The following CCDC38 variants were observed in gnomAD, a reference collection of about 807,000 sequenced individuals.
CCDC38 encodes coiled-coil domain-containing protein 38.
In CCDC38, 69 loss-of-function variants were observed where a neutral mutation model predicts 72.8. The observed-to-expected ratio is 0.95, with a 90% CI of 0.78 to 1.16. The LOEUF (loss-of-function observed/expected upper bound fraction) is 1.16, where lower values mean the gene tolerates loss of function less well. Ranked by LOEUF, CCDC38 falls within the 50% of genes most tolerant of loss-of-function variation. The pLI is 0.00. For synonymous variants in CCDC38, 201 were observed against 213.2 expected (o/e 0.94, Z 0.50); for missense variants, 626 against 638.9 (o/e 0.98, Z 0.22).
intron 5 of CCDC38, among the ~76,000 whole-genome samples, chr12:95,900,203 C>A (rs1050838416): frequency 3.9e-5 from 6 of 152,240 alleles, no homozygotes; most frequent in East Asian, 1.9e-4. Flanking sequence ...AAGAGACCAC[C>A]AAGGCTGGAG....
At chr12:95,888,397 A>G (rs1037243830) in intron 10 of CCDC38, 61 bp downstream of exon 10, 1 of 1,462,882 alleles carries the variant, frequency 6.8e-7, no homozygotes, top group Non-Finnish European at 9.6e-7. Context: ...AAAGGCTTTA[A>G]AAGTTATTTG....
At chr12:95,937,720 T>C (rs1429131322) in intron 1 of CCDC38, among the ~76,000 whole-genome samples, 3 of 152,204 alleles carry the variant, frequency 2.0e-5, no homozygotes, top group African/African-American at 7.2e-5. Flanking sequence ...ACACAGACTT[T>C]GGACAAGCCT....
At chr12:95,869,596 T>G in intron 14 of CCDC38, 23 bp from the exon 15 acceptor site, 1 of 1,547,098 alleles carries the variant, frequency 6.5e-7, no homozygotes, top group Non-Finnish European at 8.9e-7. Flanking sequence ...GGGAGAAACA[T>G]TCTTGTAACT....
At chr12:95,874,073 T>C (rs1363625012) in intron 13 of CCDC38, among the ~76,000 whole-genome samples, 1 of 152,238 alleles carries the variant, frequency 6.6e-6, no homozygotes, top group Admixed American at 6.5e-5. Context: ...ACACTTACTG[T>C]GTTTCCTATT....
In CCDC38 at chr12:95,881,563, G is replaced by A. The variant is rs1209310246; in HGVS notation, c.921-9C>T. On this transcript the variant is annotated splice_polypyrimidine_tract_variant and intron_variant, in intron 10 of 15. Coordinates refer to ENST00000344280, the MANE Select transcript of CCDC38 (RefSeq NM_182496.3). ...CGAAACTTTCAGCCAGGCTGTAAAA[G>A]AAAAAAGAAAAAGAAAATGTCTGAT... 6 of 1,601,842 alleles carry A rather than the reference G, an allele frequency of 3.7e-6. No homozygotes were observed. Among genetic ancestry groups the A allele is most frequent in the Non-Finnish European group, 5.1e-6 (6 of 1,173,790 alleles).
At chr12:95,938,228 G>A (rs1182671737) in intron 1 of CCDC38, among the ~76,000 whole-genome samples, 3 of 152,090 alleles carry the variant, frequency 2.0e-5, no homozygotes, top group Admixed American at 6.5e-5. Context: ...TCATTCTCAC[G>A]GGGGAAAAGA....
At position 95,910,944 on chromosome 12, in the gene CCDC38, C is replaced by T. The variant is rs145437937; in HGVS notation, c.305-4493G>A. 3.0e-3 allele frequency among the ~76,000 whole-genome samples: 450 copies of T among 152,076 alleles called. 3 individuals are homozygous for T. Among genetic ancestry groups the T allele is most frequent in the African/African-American group, 9.5e-3 (393 of 41,474 alleles). ...AGCCCAAATAGCCAAAGCAATCCTA[C>T]GCAAAAAGAACGAAGTTGGACTCAT... On this transcript the variant is annotated intron_variant, in intron 4 of 15. Transcript: ENST00000344280.
In CCDC38 at chr12:95,918,991, A is replaced by T. The variant is rs1048527093; in HGVS notation, c.38-15T>A. On this transcript the variant is annotated splice_polypyrimidine_tract_variant and intron_variant, in intron 2 of 15. Transcript: ENST00000344280. ...TTTTACTTTACCTGTTAAAAAAGAAAGAATGAATGAATGAATTCTGTCATC... is the reference window on the plus strand; with the variant it reads ...TTTTACTTTACCTGTTAAAAAAGAATGAATGAATGAATGAATTCTGTCATC... 2 of 1,459,236 alleles carry T rather than the reference A, an allele frequency of 1.4e-6. No homozygotes were observed. Among genetic ancestry groups the T allele is most frequent in the African/African-American group, 1.4e-5 (1 of 71,692 alleles). 90.4% of individuals were successfully genotyped at this position (1,459,236 alleles called of 1,614,324 possible). A position where few individuals can be genotyped will look rare whatever the true frequency, so the allele number is the denominator to read the frequency against.
chr12:95,895,987 T>C (rs1174152922), intron 7 of CCDC38, among the ~76,000 whole-genome samples: 3 of 138,412 alleles, frequency 2.2e-5, no homozygotes, highest in African/African-American at 8.3e-5. Context: ...ACCTGGGAGG[T>C]AGAGGTTGCA....
chr12:95,888,475 T>C lies in CCDC38; in HGVS notation c.903A>G (p.Pro301=). 6.2e-7 allele frequency: 1 copy of C among 1,614,134 alleles called. No individual in the cohort carries two copies. The highest frequency in any genetic ancestry group is 8.5e-7 in the Non-Finnish European group (1 of 1,180,010). The part of the protein sequence containing the change: ...GKPSRSLTRT[P]EKKKSNLAES... ...TACTGTACTTTGATTTCTTTTTCTC[T>C]GGAGTGCGAGTCAGGCTTCTGCTTG... The change falls in exon 10 of 16, where the codon CCA becomes CCG. Residue 301 remains proline, a synonymous_variant. Coordinates refer to ENST00000344280, the MANE Select transcript of CCDC38 (RefSeq NM_182496.3).
At chr12:95,887,206 C>CAA (rs142171367) in intron 10 of CCDC38, among the ~76,000 whole-genome samples, 26 of 150,960 alleles carry the variant, frequency 1.7e-4, no homozygotes, top group African/African-American at 2.9e-4. Flanking sequence ...AAACAAACAA[C>CAA]AAAAAAAAAC....
At chr12:95,914,745 T>C (rs1269179636) in intron 4 of CCDC38, among the ~76,000 whole-genome samples, 1 of 152,140 alleles carries the variant, frequency 6.6e-6, no homozygotes, top group African/African-American at 2.4e-5. Flanking sequence ...TAAAGTCTCT[T>C]TTAAATCTAT....
chr12:95,919,415 C>A (rs548277994), intron 2 of CCDC38: 1 of 417,412 alleles, frequency 2.4e-6, no homozygotes, highest in Admixed American at 2.5e-5. Flanking sequence ...CATACTTCTA[C>A]GTTAGGGTTT....
chr12:95,868,599 C>T (rs2079548383), intron 15 of CCDC38, among the ~76,000 whole-genome samples: 1 of 152,188 alleles, frequency 6.6e-6, no homozygotes, highest in Non-Finnish European at 1.5e-5. Flanking sequence ...GTAAGGCACA[C>T]AGTAAGCATT....
intron 8 of CCDC38, among the ~76,000 whole-genome samples, chr12:95,893,428 TCCCTCC>T (rs2079851442): frequency 4.0e-5 from 2 of 49,654 alleles, no homozygotes; most frequent in Non-Finnish European, 7.3e-5. Context: ...CCTCCCTCCC[TCCCTCC>T]CTCCCTCCCT....
intron 8 of CCDC38, among the ~76,000 whole-genome samples, chr12:95,892,880 T>A (rs765177696): frequency 6.6e-6 from 1 of 152,136 alleles, no homozygotes; most frequent in African/African-American, 2.4e-5. Context: ...TAAATTCTTA[T>A]ATATATATGT....
chr12:95,911,763 T>G (rs915960247), intron 4 of CCDC38, among the ~76,000 whole-genome samples: 1 of 152,206 alleles, frequency 6.6e-6, no homozygotes, highest in African/African-American at 2.4e-5. Flanking sequence ...ACATTGTTGA[T>G]GGGAATACAC....
chr12:95,890,776 T>G (rs2079816004), intron 9 of CCDC38, 56 bp downstream of exon 9: 3 of 1,103,604 alleles, frequency 2.7e-6, no homozygotes, highest in African/African-American at 3.1e-5. Flanking sequence ...CTGTCTCCAC[T>G]TTGAGATGGA....
At chr12:95,873,304 C>T (rs551195219) in intron 13 of CCDC38, among the ~76,000 whole-genome samples, 2 of 152,314 alleles carry the variant, frequency 1.3e-5, no homozygotes, top group East Asian at 3.9e-4. Flanking sequence ...CACATAACTA[C>T]GCACTGAATA....
Sources: gnomAD v4.1 joint callset for allele counts (sites outside exome capture counted in the v4.1 genomes callset) on GRCh38, gnomAD v4.1.1 for gene constraint, MANE v1.5 for transcripts, NCBI Gene and HGNC (gene_info 2026-07-23, HGNC 2026-07-21) for gene names.